The following PIP5K1A variants were observed in gnomAD, a reference collection of about 807,000 sequenced individuals.
PIP5K1A encodes phosphatidylinositol-4-phosphate 5-kinase type 1 alpha.
A neutral mutation model predicts 72.9 loss-of-function variants in PIP5K1A; 46 were observed. The observed-to-expected ratio is 0.63, with a 90% CI of 0.50 to 0.81. PIP5K1A has a LOEUF of 0.81. Among genes scored for constraint, PIP5K1A ranks in the 30% least tolerant of loss-of-function variants. The pLI is 0.00. For synonymous variants in PIP5K1A, 228 were observed against 255.1 expected (o/e 0.89, Z 1.01); for missense variants, 458 against 706.1 (o/e 0.65, Z 3.98).
intron 3 of PIP5K1A, among the ~76,000 whole-genome samples, chr1:151,227,014 C>T (rs1251997173): frequency 1.3e-5 from 2 of 152,122 alleles, no homozygotes; most frequent in Non-Finnish European, 2.9e-5. Flanking sequence ...GCAACAAGAG[C>T]GAGACTCTGT....
chr1:151,216,075 T>G, intron 1 of PIP5K1A: 3 of 786,926 alleles, frequency 3.8e-6, no homozygotes, highest in Non-Finnish European at 5.8e-6. Context: ...CTCTTCCCCA[T>G]AACAGTTGCA....
upstream of PIP5K1A, among the ~76,000 whole-genome samples, chr1:151,196,087 CG>C (rs1041398233): frequency 1.3e-5 from 2 of 151,368 alleles, no homozygotes; most frequent in Non-Finnish European, 2.9e-5. Context: ...TTAGTAAAGA[CG>C]GGGTTTCACT....
intron 1 of PIP5K1A, among the ~76,000 whole-genome samples, chr1:151,210,384 C>T (rs1686633641): frequency 6.6e-6 from 1 of 150,832 alleles, no homozygotes; most frequent in African/African-American, 2.4e-5. Flanking sequence ...GAGACAGTCT[C>T]ATCATATTGC....
intron 10 of PIP5K1A, among the ~76,000 whole-genome samples, chr1:151,238,918 A>G (rs1691259887): frequency 6.6e-6 from 1 of 152,172 alleles, no homozygotes; most frequent in Non-Finnish European, 1.5e-5. Flanking sequence ...CATGGGGGGA[A>G]TAATTGACTT....
intron 4 of PIP5K1A, among the ~76,000 whole-genome samples, chr1:151,230,236 T>C (rs1689850608): frequency 6.6e-6 from 1 of 152,254 alleles, no homozygotes; most frequent in Admixed American, 6.5e-5. Flanking sequence ...ATGTGCTGTA[T>C]CTGTGCTATC....
intron 1 of PIP5K1A, among the ~76,000 whole-genome samples, chr1:151,202,898 A>G (rs868241496): frequency 2.0e-5 from 3 of 150,922 alleles, no homozygotes; most frequent in Middle Eastern, 3.2e-3. Flanking sequence ...TCAGCTTCCC[A>G]AGTAACTGAG....
intron 13 of PIP5K1A, 40 bp downstream of exon 13, chr1:151,242,309 C>T (rs1394498816): frequency 6.4e-6 from 10 of 1,560,572 alleles, no homozygotes; most frequent in Non-Finnish European, 7.9e-6. Context: ...ATTGGGTACT[C>T]CCTCCCTTCC....
At chr1:151,219,971 G>A (rs1345063996) in intron 1 of PIP5K1A, among the ~76,000 whole-genome samples, 1 of 144,146 alleles carries the variant, frequency 6.9e-6, no homozygotes, top group African/African-American at 2.6e-5. Context: ...GATTATAGAT[G>A]TGAGCCACTG....
At chr1:151,207,504 G>T (rs1240243375) in intron 1 of PIP5K1A, among the ~76,000 whole-genome samples, 1 of 151,394 alleles carries the variant, frequency 6.6e-6, no homozygotes, top group Non-Finnish European at 1.5e-5. Context: ...TAAAGATGTT[G>T]CATAAAGGCT....
intron 1 of PIP5K1A, chr1:151,216,128 C>A: frequency 2.2e-6 from 1 of 463,982 alleles, no homozygotes. Context: ...GCGGGCGGAT[C>A]ACGAGGTCAG....
intron 1 of PIP5K1A, among the ~76,000 whole-genome samples, chr1:151,210,484 GT>G (rs2102065243): frequency 6.6e-6 from 1 of 152,150 alleles, no homozygotes; most frequent in South Asian, 2.1e-4. Flanking sequence ...ACCCTGCTTG[GT>G]GTGGCGCTCC....
rs587765044 is a variant in PIP5K1A at position 151,229,612 on chromosome 1, C to T, written c.238-2059C>T. ...CTGACCTCAGGTAATCTGCCTGTCTCGGCCTCCCAAAGTGCTGGGATTACA... is the reference window on the plus strand; with the variant it reads ...CTGACCTCAGGTAATCTGCCTGTCTTGGCCTCCCAAAGTGCTGGGATTACA... On this transcript the variant is annotated intron_variant, in intron 4 of 15. Transcript: ENST00000368888. Among the ~76,000 whole-genome samples, 9 of 151,390 alleles carry T rather than the reference C, an allele frequency of 5.9e-5. No individual in the cohort carries two copies. The South Asian group carries it at 1.5e-3, about 25-fold the overall frequency.
Position 151,239,185 on chromosome 1 carries a change from A to G in PIP5K1A, c.1278+7A>G. 2 of 1,583,390 alleles carry G rather than the reference A, an allele frequency of 1.3e-6. No homozygotes were observed. The highest frequency in any genetic ancestry group is 1.7e-6 in the Non-Finnish European group (2 of 1,152,366). On this transcript the variant is annotated splice_region_variant and intron_variant, in intron 11 of 15. Coordinates refer to ENST00000368888, the MANE Select transcript of PIP5K1A (RefSeq NM_001135638.2). Reference sequence around the variant, plus strand: ...AGCCCTGGTACATGACGGAGTAAGTAGTAATACTAGAGGCTCTCTTACCGT... The same window carrying G: ...AGCCCTGGTACATGACGGAGTAAGTGGTAATACTAGAGGCTCTCTTACCGT...
intron 1 of PIP5K1A, among the ~76,000 whole-genome samples, chr1:151,208,157 G>C (rs973584052): frequency 6.6e-6 from 1 of 152,208 alleles, no homozygotes; most frequent in South Asian, 2.1e-4. Context: ...ACCGGGCCCA[G>C]CTGGCTCATT....
intron 1 of PIP5K1A, among the ~76,000 whole-genome samples, chr1:151,223,539 G>A (rs1354503257): frequency 6.6e-5 from 10 of 151,584 alleles, no homozygotes; most frequent in African/African-American, 2.2e-4. Flanking sequence ...CAGCTACTCG[G>A]GAGGCTGAGG....
chr1:151,205,803 A>G lies in PIP5K1A; in HGVS notation c.85+6722A>G, dbSNP rs374724719. ...ACAGAGCAAGACTCCGTCTCAAAAA[A>G]AAGAAAAGGGAACAAGAAAACTTAT... On this transcript the variant is annotated intron_variant, in intron 1 of 15. Coordinates refer to ENST00000368888, the MANE Select transcript of PIP5K1A (RefSeq NM_001135638.2). Among the ~76,000 whole-genome samples, 34 of 152,246 alleles carry G rather than the reference A, an allele frequency of 2.2e-4. 1 individual carries two copies. The highest frequency in any genetic ancestry group is 8.2e-4 in the African/African-American group (34 of 41,558).
chr1:151,223,235 C>T (rs917512991), intron 1 of PIP5K1A, among the ~76,000 whole-genome samples: 21 of 151,856 alleles, frequency 1.4e-4, no homozygotes, highest in Non-Finnish European at 2.6e-4. Context: ...CCTGTAATCC[C>T]AGCTACTCGG....
intron 1 of PIP5K1A, among the ~76,000 whole-genome samples, chr1:151,218,146 A>T (rs587627270): frequency 1.3e-5 from 2 of 152,268 alleles, no homozygotes; most frequent in African/African-American, 4.8e-5. Flanking sequence ...GAGGACCTTA[A>T]CGTCTGTAAA....
chr1:151,214,935 C>A (rs1010579401), intron 1 of PIP5K1A, among the ~76,000 whole-genome samples: 1 of 151,632 alleles, frequency 6.6e-6, no homozygotes, highest in African/African-American at 2.4e-5. Flanking sequence ...CCAGGCTGGT[C>A]TCGAACTCCT....
Sources: allele counts gnomAD v4.1 joint callset (sites outside exome capture counted in the v4.1 genomes callset), GRCh38; gene constraint gnomAD v4.1.1; transcripts MANE v1.5; gene names NCBI Gene and HGNC (gene_info 2026-07-23, HGNC 2026-07-21).